LLGL2: variants seen among roughly 807,000 people sequenced by gnomAD.
LLGL2 encodes LLGL2, scribble cell polarity complex component.
LLGL2 carries 81 observed loss-of-function variants against 123.2 expected under a neutral mutation model. The observed-to-expected ratio is 0.66, with a 90% CI of 0.55 to 0.79. The LOEUF is 0.79. Ranked by LOEUF, LLGL2 falls within the 30% of genes least tolerant of loss-of-function variation. LLGL2 has a pLI of 0.00. For missense variants in LLGL2, 1,273 were observed against 1,414.6 expected, an observed-to-expected ratio of 0.90 and a Z score of 1.61; for synonymous variants, 577 against 594.1, an observed-to-expected ratio of 0.97 and a Z score of 0.42.
At chr17:75,567,689 C>G (rs941927897) in intron 10 of LLGL2, among the ~76,000 whole-genome samples, 22 of 151,670 alleles carry the variant, frequency 1.5e-4, no homozygotes, top group African/African-American at 5.3e-4. Flanking sequence ...TGCCTGTAAT[C>G]CCAGCATTTT....
chr17:75,568,714 A>G (rs767613520), intron 11 of LLGL2, 21 bp downstream of exon 11: 30 of 1,613,224 alleles, frequency 1.9e-5, no homozygotes, highest in Non-Finnish European at 2.2e-5. Context: ...CCCTGGCCCC[A>G]GCCCCAGCCC....
At chr17:75,570,280 G>T (rs975455988) in intron 15 of LLGL2, 25 bp downstream of exon 15, 3 of 1,598,470 alleles carry the variant, frequency 1.9e-6, no homozygotes, top group Non-Finnish European at 1.7e-6. Flanking sequence ...CTGGGTCCCG[G>T]GGCTGGGAGT....
At chr17:75,543,869 C>T (rs999615230) in intron 2 of LLGL2, among the ~76,000 whole-genome samples, 1 of 152,146 alleles carries the variant, frequency 6.6e-6, no homozygotes, top group African/African-American at 2.4e-5. Context: ...AAAGGATGAA[C>T]TCTTCAGGGG....
chr17:75,530,902 C>T (rs1322689552), intron 1 of LLGL2, among the ~76,000 whole-genome samples: 3 of 152,170 alleles, frequency 2.0e-5, no homozygotes, highest in Non-Finnish European at 2.9e-5. Context: ...GCGGCTTCTC[C>T]TAAATGGACC....
At chr17:75,571,349 T>C in intron 17 of LLGL2, 1 of 579,090 alleles carries the variant, frequency 1.7e-6, no homozygotes, top group East Asian at 2.8e-5. Context: ...ACCCATCACT[T>C]AGCCTTTCAG....
chr17:75,543,305 G>T, intron 1 of LLGL2, 92 bp from the exon 2 acceptor site: 1 of 849,508 alleles, frequency 1.2e-6, no homozygotes, highest in South Asian at 1.9e-5. Context: ...TACTGGACTT[G>T]GAGAGAGAGG....
chr17:75,556,278 A>C (rs1056706109), intron 3 of LLGL2, 135 bp downstream of exon 3: 1 of 721,846 alleles, frequency 1.4e-6, no homozygotes, highest in Non-Finnish European at 2.3e-6. Flanking sequence ...AGTTTTGGAC[A>C]TGATTTTATT....
intron 14 of LLGL2, 39 bp downstream of exon 14, chr17:75,569,364 T>C (rs781212169): frequency 1.3e-6 from 2 of 1,526,196 alleles, no homozygotes; most frequent in African/African-American, 2.8e-5. Flanking sequence ...TGGGGAGGAG[T>C]GGTCGATGAC....
At chr17:75,571,521 G>A (rs1299090600) in intron 17 of LLGL2, 146 bp from the exon 18 acceptor site, 2 of 651,212 alleles carry the variant, frequency 3.1e-6, no homozygotes, top group East Asian at 5.3e-5. Context: ...ACCTGGGATT[G>A]GGGTCTTCTA....
chr17:75,540,307 G>T (rs139471141), intron 1 of LLGL2, among the ~76,000 whole-genome samples: 2 of 152,288 alleles, frequency 1.3e-5, no homozygotes, highest in Non-Finnish European at 2.9e-5. Context: ...GGTGAGGCCC[G>T]CCAGGTCTAG....
intron 3 of LLGL2, among the ~76,000 whole-genome samples, chr17:75,556,909 A>G (rs1367513533): frequency 6.6e-6 from 1 of 152,102 alleles, no homozygotes; most frequent in Admixed American, 6.6e-5. Flanking sequence ...CATGCCTGTA[A>G]TCCCAGCTAC....
Position 75,541,228 on chromosome 17 carries a change from C to T in LLGL2, c.-30-2169C>T, listed in dbSNP as rs529559380. ...CGGATGGCCCTGTGCCCTCTTGTCC[C>T]CTCCCTGGAGTCTGCAGGCAGTGGT... On this transcript the variant is annotated intron_variant, in intron 1 of 25. Coordinates refer to ENST00000392550, the MANE Select transcript of LLGL2 (RefSeq NM_001031803.2). Among the ~76,000 whole-genome samples, 5 of 152,338 alleles carry T rather than the reference C, an allele frequency of 3.3e-5. No homozygotes were observed. The South Asian group carries it at 1.0e-3, about 32-fold the overall frequency.
chr17:75,531,428 G>C (rs2053782433), intron 1 of LLGL2, among the ~76,000 whole-genome samples: 2 of 152,206 alleles, frequency 1.3e-5, no homozygotes, highest in South Asian at 4.1e-4. Flanking sequence ...GGCCAGAATG[G>C]AGGCCCAAGA....
intron 2 of LLGL2, among the ~76,000 whole-genome samples, chr17:75,552,109 C>T (rs2054702494): frequency 7.0e-6 from 1 of 143,480 alleles, no homozygotes; most frequent in Admixed American, 7.1e-5. Flanking sequence ...AATTAGGTGA[C>T]AGAGGGAGAC....
intron 22 of LLGL2, 45 bp downstream of exon 22, chr17:75,574,025 G>C (rs1314535734): frequency 1.3e-6 from 2 of 1,550,386 alleles, no homozygotes; most frequent in African/African-American, 2.7e-5. Flanking sequence ...GCCACACCCG[G>C]CCCAGACCTG....
In LLGL2 at chr17:75,568,624, C is replaced by A; in HGVS notation, c.1185C>A (p.Asn395Lys). Reference sequence around the variant, plus strand: ...TCACCTGCTCTCACCACGTCTCCAACATCCCGCTGAAGCTGTGGGAGCGGA... The same window carrying A: ...TCACCTGCTCTCACCACGTCTCCAAAATCCCGCTGAAGCTGTGGGAGCGGA... ...SAITCSHHVSNIPLKLWERII... is the reference protein window; with the variant it reads ...SAITCSHHVSKIPLKLWERII... The change falls in exon 11 of 26, where the codon AAC becomes AAA. Residue 395 changes from asparagine (N) to lysine (K), a missense_variant. Physicochemically the swap from Asn to Lys is moderately conservative, Grantham distance 94 (BLOSUM62 0). Coordinates refer to ENST00000392550, the MANE Select transcript of LLGL2 (RefSeq NM_001031803.2). The A allele has an allele frequency of 1.2e-6, 2 of 1,613,836 alleles. No individual in the cohort carries two copies. The highest frequency in any genetic ancestry group is 2.2e-5 in the East Asian group (1 of 44,890).
Position 75,558,305 on chromosome 17 carries a change from C to T in LLGL2, c.255+69C>T. On this transcript the variant is annotated intron_variant, in intron 4 of 25. Coordinates refer to ENST00000392550, the MANE Select transcript of LLGL2 (RefSeq NM_001031803.2). The surrounding 1 kb of genome is among the most constrained non-coding windows in gnomAD (Gnocchi z 4.0). ...CTTGCCTTCACTGCTTCCAGCAGGG[C>T]TGGTGTGGAGAGGCTGGCATTCGGT... is the stretch of plus-strand genomic sequence containing the variant. The T allele has an allele frequency of 6.8e-7, 1 of 1,473,298 alleles. No homozygotes were observed. Among genetic ancestry groups the T allele is most frequent in the Non-Finnish European group, 9.4e-7 (1 of 1,066,606 alleles). The allele number at this position is 1,473,298 out of a possible 1,614,324, so 91.3% of individuals were successfully genotyped here. A position where few individuals can be genotyped will look rare whatever the true frequency, so the allele number is the denominator to read the frequency against.
chr17:75,563,859 G>T, intron 9 of LLGL2, 53 bp downstream of exon 9: 1 of 1,575,284 alleles, frequency 6.3e-7, no homozygotes, highest in Non-Finnish European at 8.7e-7. Context: ...TGGAGGGCTA[G>T]AAAGGTCACT....
Position 75,529,561 on chromosome 17 carries a change from C to CA in LLGL2, c.-31+3742dup, listed in dbSNP as rs2053698094. 1.3e-5 allele frequency among the ~76,000 whole-genome samples: 2 copies of CA among 150,440 alleles called. 1 individual carries two copies. The highest frequency in any genetic ancestry group is 1.3e-4 in the Admixed American group (2 of 15,052). ...CTTCTATCCTTCATCTCTTTAAAAA[C>CA]AAAAAATAAAAAAAAATTAGGCCGG... On this transcript the variant is annotated intron_variant, in intron 1 of 25. Coordinates refer to ENST00000392550, the MANE Select transcript of LLGL2 (RefSeq NM_001031803.2).
Sources: gnomAD v4.1 joint callset for allele counts (sites outside exome capture counted in the v4.1 genomes callset) on GRCh38, gnomAD v4.1.1 for gene constraint, Gnocchi (gnomAD v3.1) non-coding constraint, MANE v1.5 for transcripts, NCBI Gene and HGNC (gene_info 2026-07-23, HGNC 2026-07-21) for gene names.